Variants in TMEM178B observed in about 807,000 individuals in gnomAD.
The protein encoded by TMEM178B is transmembrane protein 178B.
TMEM178B carries 5 observed loss-of-function variants against 31.0 expected under a neutral mutation model. That is an observed-to-expected ratio of 0.16 (90% CI 0.08 to 0.34). The LOEUF (loss-of-function observed/expected upper bound fraction) is 0.34. Among genes scored for constraint, TMEM178B ranks in the 10% least tolerant of loss-of-function variants. The probability of loss-of-function intolerance (pLI) is 1.00; values close to 1 mark genes in which losing one functional copy is unlikely to be tolerated. For missense variants in TMEM178B, 275 were observed against 400.3 expected (o/e 0.69, Z 2.67); for synonymous variants, 164 against 164.0 (o/e 1.00, Z 0.00).
At chr7:141,336,345 G>A (rs572095637) in intron 2 of TMEM178B, among the ~76,000 whole-genome samples, 72 of 152,150 alleles carry the variant, frequency 4.7e-4, no homozygotes, top group African/African-American at 1.5e-3. Flanking sequence ...ATCCCTGCCC[G>A]CCTCTTTCAC....
chr7:141,435,549 G>C (rs996779859), intron 2 of TMEM178B, among the ~76,000 whole-genome samples: 1 of 152,158 alleles, frequency 6.6e-6, no homozygotes, highest in South Asian at 2.1e-4. Flanking sequence ...TAAGGTATAG[G>C]GCTGGTGGCC....
At position 141,473,425 on chromosome 7, in the gene TMEM178B, T is replaced by C. The variant is rs1442315466; in HGVS notation, c.*2639T>C. On this transcript the variant is annotated 3_prime_UTR_variant, in exon 4 of 4. Transcript: ENST00000565468. ...AAATTCTAAATGGGGAAATTTGCTA[T>C]GAACCATTTAAACTTTTTGTAAGTA... 6.6e-6 allele frequency: 1 copy of C among 152,220 alleles called. No individual in the cohort carries two copies. The highest frequency in any genetic ancestry group is 1.5e-5 in the Non-Finnish European group (1 of 68,036). The allele number at this position is 152,220 out of a possible 1,614,324, so 9.4% of individuals were successfully genotyped here. A position where few individuals can be genotyped will look rare whatever the true frequency, so the allele number is the denominator to read the frequency against.
intron 1 of TMEM178B, among the ~76,000 whole-genome samples, chr7:141,090,526 T>C (rs1794865118): frequency 1.3e-5 from 2 of 152,258 alleles, no homozygotes; most frequent in African/African-American, 4.8e-5. Flanking sequence ...TTTGGTCAGA[T>C]AATGAGAACA....
intron 2 of TMEM178B, among the ~76,000 whole-genome samples, chr7:141,320,505 A>G (rs1799079349): frequency 6.6e-6 from 1 of 152,128 alleles, no homozygotes; most frequent in African/African-American, 2.4e-5. Flanking sequence ...GTGTCTTTCT[A>G]CAGGCCTCAG....
chr7:141,393,573 T>C (rs1293378343), intron 2 of TMEM178B, among the ~76,000 whole-genome samples: 1 of 152,220 alleles, frequency 6.6e-6, no homozygotes, highest in Non-Finnish European at 1.5e-5. Flanking sequence ...GTGCTCTTCA[T>C]GGAAACCATC....
chr7:141,183,847 C>G (rs1796567850), intron 1 of TMEM178B, among the ~76,000 whole-genome samples: 1 of 152,146 alleles, frequency 6.6e-6, no homozygotes, highest in Non-Finnish European at 1.5e-5. Context: ...GTGGGTTTAT[C>G]CACGTGCTGG....
intron 2 of TMEM178B, among the ~76,000 whole-genome samples, chr7:141,226,873 AAG>A (rs72065174): frequency 0.61 from 78,134 of 127,792 alleles, 23,990 homozygotes; most frequent in Middle Eastern, 0.71. Context: ...AAAAAAAAAA[AAG>A]AAAAAGAAAA....
intron 1 of TMEM178B, among the ~76,000 whole-genome samples, chr7:141,162,811 T>C (rs2129181826): frequency 6.6e-6 from 1 of 152,362 alleles, no homozygotes; most frequent in East Asian, 1.9e-4. Flanking sequence ...AGAGAGTGTG[T>C]AGGCAGATTT....
intron 3 of TMEM178B, among the ~76,000 whole-genome samples, chr7:141,452,868 T>C (rs1282896255): frequency 1.3e-5 from 2 of 152,216 alleles, no homozygotes; most frequent in Non-Finnish European, 2.9e-5. Flanking sequence ...AAATACATTG[T>C]GGCTCCCAGT....
At chr7:141,508,053 TAGTC>T in the TMEM178B span, among the ~76,000 whole-genome samples, 3 of 152,236 alleles carry the variant, frequency 2.0e-5, no homozygotes, top group African/African-American at 4.8e-5. Context: ...TTTTATCACT[TAGTC>T]AGGCTGCAAA....
intron 2 of TMEM178B, among the ~76,000 whole-genome samples, chr7:141,277,043 T>C (rs967993079): frequency 6.6e-6 from 1 of 152,202 alleles, no homozygotes; most frequent in African/African-American, 2.4e-5. Context: ...GGTGAGTGAA[T>C]GTGAAGGCCC....
downstream of TMEM178B, among the ~76,000 whole-genome samples, chr7:141,480,952 C>T (rs949973673): frequency 7.2e-5 from 11 of 152,202 alleles, no homozygotes; most frequent in Admixed American, 4.6e-4. Context: ...AAGAAACTGG[C>T]TGTGTCTGAT....
intron 2 of TMEM178B, among the ~76,000 whole-genome samples, chr7:141,325,439 C>A (rs139671238): frequency 6.6e-6 from 1 of 152,240 alleles, no homozygotes; most frequent in East Asian, 1.9e-4. Context: ...ACAAGGGTAT[C>A]CCCAGGATAC....
intron 1 of TMEM178B, among the ~76,000 whole-genome samples, chr7:141,205,888 C>T (rs12540869): frequency 1.1e-3 from 163 of 152,304 alleles, no homozygotes; most frequent in Admixed American, 2.5e-3. Flanking sequence ...TGTCACTGCA[C>T]GCAGTTTCTG....
At chr7:141,288,620 C>T (rs1293136482) in intron 2 of TMEM178B, among the ~76,000 whole-genome samples, 2 of 152,172 alleles carry the variant, frequency 1.3e-5, no homozygotes, top group African/African-American at 4.8e-5. Flanking sequence ...AGTCCCGCTG[C>T]CCTATCATTT....
intron 2 of TMEM178B, among the ~76,000 whole-genome samples, chr7:141,342,985 G>C (rs1403251754): frequency 1.3e-5 from 2 of 152,196 alleles, no homozygotes; most frequent in African/African-American, 2.4e-5. Flanking sequence ...AACTTTAGCT[G>C]TATGGGACTC....
Position 141,079,990 on chromosome 7 carries a change from G to A in TMEM178B, c.382+5298G>A, listed in dbSNP as rs572326194. 4.6e-5 allele frequency among the ~76,000 whole-genome samples: 7 copies of A among 152,196 alleles called. No homozygotes were observed. In the South Asian group the frequency reaches 6.2e-4, roughly 14 times the overall value. On this transcript the variant is annotated intron_variant, in intron 1 of 3. Transcript: ENST00000565468. ...CTCTACCATCATCTTAGAATCTATC[G>A]GGGCAGGAGTGAGGTGGAGAAGAAA...
intron 2 of TMEM178B, among the ~76,000 whole-genome samples, chr7:141,214,040 A>G (rs1797092097): frequency 6.6e-6 from 1 of 152,194 alleles, no homozygotes. Flanking sequence ...TTTAATTTCA[A>G]TGTTATATTT....
chr7:141,510,685 CAAAAAAAAAAAAAAAAA>C, the TMEM178B span, among the ~76,000 whole-genome samples: 70 of 24,966 alleles, frequency 2.8e-3, no homozygotes, highest in South Asian at 0.017. Context: ...AACTCCGTCT[CAAAAAAAAAAAAAAAAA>C]AAAAAAAAAA....
Sources: gnomAD v4.1 joint callset for allele counts (sites outside exome capture counted in the v4.1 genomes callset) on GRCh38, gnomAD v4.1.1 for gene constraint, MANE v1.5 for transcripts, NCBI Gene and HGNC (gene_info 2026-07-23, HGNC 2026-07-21) for gene names.